The following RGS7 variants were observed in gnomAD, a reference collection of about 807,000 sequenced individuals.
The protein encoded by RGS7 is regulator of G-protein signaling 7.
Under a neutral mutation model 81.1 loss-of-function variants are expected in RGS7, and 27 were observed. The ratio of observed to expected loss-of-function variants is 0.33; its 90% CI spans 0.25 to 0.46. The LOEUF is 0.46. Ranked by LOEUF, RGS7 falls within the 20% of genes least tolerant of loss-of-function variation. The probability of loss-of-function intolerance (pLI) is 1.00; values close to 1 mark genes in which losing one functional copy is unlikely to be tolerated. For missense variants in RGS7, 396 were observed against 607.4 expected (o/e 0.65, Z 3.66); for synonymous variants, 208 against 207.7 (o/e 1.00, Z -0.01).
chr1:240,905,067 C>A (rs985349156), intron 6 of RGS7, among the ~76,000 whole-genome samples: 1 of 151,588 alleles, frequency 6.6e-6, no homozygotes, highest in East Asian at 1.9e-4. Context: ...ACAATGCACA[C>A]CTTAAAATCA....
chr1:240,824,939 C>A (rs1234749810), intron 10 of RGS7, among the ~76,000 whole-genome samples: 3 of 152,076 alleles, frequency 2.0e-5, no homozygotes, highest in Non-Finnish European at 4.4e-5. Context: ...GGCAGCCATC[C>A]CCAAGCAGGA....
chr1:240,883,528 G>A (rs1286277173), intron 6 of RGS7, among the ~76,000 whole-genome samples: 2 of 151,890 alleles, frequency 1.3e-5, no homozygotes, highest in Non-Finnish European at 2.9e-5. Context: ...CTGATTCCCT[G>A]CCTGGAAATT....
chr1:241,015,805 A>G (rs1013439623), intron 3 of RGS7, among the ~76,000 whole-genome samples: 2 of 152,242 alleles, frequency 1.3e-5, no homozygotes, highest in African/African-American at 4.8e-5. Context: ...AGTGATCAAT[A>G]TAAGATAATA....
At chr1:240,946,097 T>C (rs986825140) in intron 4 of RGS7, among the ~76,000 whole-genome samples, 1 of 152,190 alleles carries the variant, frequency 6.6e-6, no homozygotes, top group Non-Finnish European at 1.5e-5. Flanking sequence ...AACAATTTGA[T>C]TGTAATTTTA....
At chr1:241,065,411 T>C (rs1223388776) in intron 3 of RGS7, among the ~76,000 whole-genome samples, 1 of 151,946 alleles carries the variant, frequency 6.6e-6, no homozygotes. Context: ...TGCCAAATTT[T>C]ATAGAGTAGC....
At chr1:240,952,015 C>G (rs1298616803) in intron 4 of RGS7, among the ~76,000 whole-genome samples, 1 of 151,972 alleles carries the variant, frequency 6.6e-6, no homozygotes, top group Non-Finnish European at 1.5e-5. Flanking sequence ...ACCCACTAAC[C>G]TAGAATTTTA....
At chr1:241,077,085 T>G (rs1172881796) in intron 3 of RGS7, among the ~76,000 whole-genome samples, 2 of 152,218 alleles carry the variant, frequency 1.3e-5, no homozygotes, top group African/African-American at 4.8e-5. Flanking sequence ...TTGAGTGCTA[T>G]GTACAGGGTA....
chr1:240,986,412 T>A (rs902002547), intron 3 of RGS7, among the ~76,000 whole-genome samples: 2 of 152,156 alleles, frequency 1.3e-5, no homozygotes, highest in African/African-American at 4.8e-5. Context: ...TCAAACATTA[T>A]CTACTCCAGG....
intron 4 of RGS7, among the ~76,000 whole-genome samples, chr1:240,958,746 G>T (rs1290948431): frequency 1.3e-5 from 2 of 152,144 alleles, no homozygotes; most frequent in African/African-American, 2.4e-5. Flanking sequence ...ATGTCAAAAA[G>T]CTTCCTTCTT....
In RGS7 at chr1:241,306,761, G is replaced by A. The variant is rs974907657; in HGVS notation, c.78+48938C>T. ...CACGTCCCCACACTCGCACACATAC[G>A]CACACACCTTTACACACACATCCTC... On this transcript the variant is annotated intron_variant, in intron 2 of 18. Coordinates refer to ENST00000440928, the MANE Select transcript of RGS7 (RefSeq NM_001364886.1). 7.9e-5 allele frequency among the ~76,000 whole-genome samples: 12 copies of A among 151,288 alleles called. No homozygotes were observed. The South Asian group carries it at 8.4e-4, about 11-fold the overall frequency.
intron 5 of RGS7, among the ~76,000 whole-genome samples, chr1:240,935,933 T>C (rs571070777): frequency 5.3e-5 from 8 of 152,358 alleles, no homozygotes; most frequent in South Asian, 2.1e-4. Flanking sequence ...TAATGAGCCA[T>C]AATGTCTACT....
At chr1:240,882,162 G>A (rs1338929684) in intron 6 of RGS7, among the ~76,000 whole-genome samples, 95 of 152,172 alleles carry the variant, frequency 6.2e-4, no homozygotes, top group South Asian at 4.2e-4. Flanking sequence ...TGATCCACCC[G>A]CCTTGGCCTC....
chr1:240,807,791 T>C (rs1689135675), intron 14 of RGS7, among the ~76,000 whole-genome samples: 1 of 152,044 alleles, frequency 6.6e-6, no homozygotes, highest in Admixed American at 6.6e-5. Context: ...TCCCAGCACT[T>C]TGGGAGGCTG....
At chr1:240,871,468 G>A (rs942599054) in intron 6 of RGS7, among the ~76,000 whole-genome samples, 1 of 152,174 alleles carries the variant, frequency 6.6e-6, no homozygotes, top group African/African-American at 2.4e-5. Flanking sequence ...ACGAAGGAGA[G>A]AGCCAACCAC....
intron 7 of RGS7, among the ~76,000 whole-genome samples, chr1:240,869,230 G>C (rs906366383): frequency 4.6e-5 from 7 of 152,138 alleles, no homozygotes; most frequent in African/African-American, 1.7e-4. Context: ...TACTACGCAT[G>C]CAATCAGCCT....
intron 3 of RGS7, among the ~76,000 whole-genome samples, chr1:241,065,970 C>T (rs1001013351): frequency 3.3e-5 from 5 of 151,818 alleles, no homozygotes; most frequent in African/African-American, 9.7e-5. Flanking sequence ...GTATTATTTA[C>T]CAAAGAATAG....
At chr1:240,804,735 CAG>C (rs1199330472) in intron 15 of RGS7, among the ~76,000 whole-genome samples, 2 of 152,234 alleles carry the variant, frequency 1.3e-5, no homozygotes, top group Non-Finnish European at 2.9e-5. Flanking sequence ...GCAGCAGGGC[CAG>C]AGTTTCTGGC....
At chr1:241,295,880 A>G (rs561507341) in intron 2 of RGS7, among the ~76,000 whole-genome samples, 2 of 152,346 alleles carry the variant, frequency 1.3e-5, no homozygotes, top group African/African-American at 2.4e-5. Context: ...GACTCAGCCA[A>G]TGGTTGGGTA....
chr1:241,147,364 G>A (rs1328206328), intron 2 of RGS7, among the ~76,000 whole-genome samples: 2 of 152,122 alleles, frequency 1.3e-5, no homozygotes, highest in African/African-American at 4.8e-5. Flanking sequence ...CCAATGTGTT[G>A]TAGAGTTTCA....
Sources: gnomAD v4.1 joint callset for allele counts (sites outside exome capture counted in the v4.1 genomes callset) on GRCh38, gnomAD v4.1.1 for gene constraint, MANE v1.5 for transcripts, NCBI Gene and HGNC (gene_info 2026-07-23, HGNC 2026-07-21) for gene names.